Variants in CNTN5 observed in about 807,000 individuals in gnomAD.
The protein encoded by CNTN5 is contactin-5.
A neutral mutation model predicts 129.1 loss-of-function variants in CNTN5; 77 were observed. The ratio of observed to expected loss-of-function variants is 0.60; its 90% confidence interval spans 0.50 to 0.72. The LOEUF (loss-of-function observed/expected upper bound fraction) is 0.72. CNTN5 is among the 30% of genes least tolerant of loss of function. The pLI is 0.00. For synonymous variants in CNTN5, 509 were observed against 465.6 expected (o/e 1.09, Z -1.20); for missense variants, 1,478 against 1,328.8 (o/e 1.11, Z -1.75).
In CNTN5 at chr11:100,299,191, A is replaced by C. The variant is rs200512456; in HGVS notation, c.2415A>C (p.Glu805Asp). Reference sequence around the variant, plus strand: ...TATCTGAAGAGTTTCAGAATGGGGAAGGCTTCGGCTATATTGTGGCTTTCA... The same window carrying C: ...TATCTGAAGAGTTTCAGAATGGGGACGGCTTCGGCTATATTGTGGCTTTCA... ...EPVSEEFQNG[E>D]GFGYIVAFRP... is the part of the protein sequence containing the mutation. Residue 805 changes from glutamate to aspartate, a missense_variant, in exon 20 of 25, where the codon GAA (glutamate) becomes GAC (aspartate). By Grantham distance (45) the Glu-to-Asp change is conservative. Coordinates refer to ENST00000524871, the MANE Select transcript of CNTN5 (RefSeq NM_014361.4). The C allele has an allele frequency of 8.4e-4, 1,349 of 1,607,464 alleles. 16 individuals are homozygous for C. In the South Asian group the frequency reaches 0.012, roughly 14 times the overall value.
rs146383177 is a variant in CNTN5 at position 99,254,371 on chromosome 11, T to C, written c.-209-70975T>C. Among the ~76,000 whole-genome samples the C allele has an allele frequency of 8.5e-5, 13 of 152,132 alleles. No individual in the cohort carries two copies. The East Asian group carries it at 2.5e-3, about 29-fold the overall frequency. On this transcript the variant is annotated intron_variant, in intron 1 of 24. Coordinates refer to ENST00000524871, the MANE Select transcript of CNTN5 (RefSeq NM_014361.4). Reference sequence around the variant, plus strand: ...TTCTGTGAACTTAAATATTAAGTACTGCCGAAATACATCATGGAAACTCAG... The same window carrying C: ...TTCTGTGAACTTAAATATTAAGTACCGCCGAAATACATCATGGAAACTCAG...
At chr11:99,422,162 G>A (rs1942916083) in intron 2 of CNTN5, among the ~76,000 whole-genome samples, 2 of 152,092 alleles carry the variant, frequency 1.3e-5, no homozygotes, top group Non-Finnish European at 2.9e-5. Flanking sequence ...CAAGAAAGAA[G>A]AGGTTTAATT....
intron 6 of CNTN5, among the ~76,000 whole-genome samples, chr11:99,885,519 CTG>C (rs1257735260): frequency 6.6e-6 from 1 of 152,036 alleles, no homozygotes. Flanking sequence ...ATAAGCAAAA[CTG>C]AGAGTTTACA....
intron 1 of CNTN5, among the ~76,000 whole-genome samples, chr11:99,145,942 G>A (rs180934066): frequency 2.4e-4 from 36 of 151,922 alleles, no homozygotes; most frequent in African/African-American, 8.4e-4. Flanking sequence ...TAAGTATGTT[G>A]ATTTTTTTTT....
chr11:100,102,603 T>C (rs1945267659), intron 13 of CNTN5, among the ~76,000 whole-genome samples: 2 of 149,616 alleles, frequency 1.3e-5, no homozygotes, highest in Admixed American at 1.3e-4. Context: ...ATGTAAAAAG[T>C]GGTCAAAAAC....
intron 1 of CNTN5, among the ~76,000 whole-genome samples, chr11:99,067,996 T>C (rs1277372946): frequency 6.6e-6 from 1 of 151,996 alleles, no homozygotes; most frequent in Non-Finnish European, 1.5e-5. Context: ...TTTATAAGGG[T>C]TTGGTAGCTT....
At chr11:99,515,843 T>C (rs1388124362) in intron 2 of CNTN5, among the ~76,000 whole-genome samples, 1 of 151,968 alleles carries the variant, frequency 6.6e-6, no homozygotes, top group Non-Finnish European at 1.5e-5. Context: ...TATCAATTGC[T>C]ATTATCTCAT....
At chr11:99,723,858 A>G (rs1943252314) in intron 3 of CNTN5, among the ~76,000 whole-genome samples, 1 of 152,102 alleles carries the variant, frequency 6.6e-6, no homozygotes, top group Non-Finnish European at 1.5e-5. Context: ...CAAATGATGA[A>G]ACTGAGGCTC....
intron 1 of CNTN5, among the ~76,000 whole-genome samples, chr11:99,275,946 T>C (rs902339205): frequency 6.6e-6 from 1 of 151,488 alleles, no homozygotes; most frequent in Non-Finnish European, 1.5e-5. Context: ...ATTGAAGCCA[T>C]ATTTGAACAA....
chr11:99,315,895 G>A (rs1865318377), intron 1 of CNTN5, among the ~76,000 whole-genome samples: 2 of 133,768 alleles, frequency 1.5e-5, no homozygotes, highest in African/African-American at 2.6e-5. Context: ...AGAAAGAAGA[G>A]ACAATAGAAT....
intron 2 of CNTN5, among the ~76,000 whole-genome samples, chr11:99,462,459 T>C (rs914139623): frequency 2.0e-5 from 3 of 151,648 alleles, no homozygotes; most frequent in Admixed American, 6.6e-5. Context: ...ATGAGCATTA[T>C]ATTGATGTGC....
intron 9 of CNTN5, among the ~76,000 whole-genome samples, chr11:100,030,293 T>C (rs1378226298): frequency 6.6e-6 from 1 of 152,146 alleles, no homozygotes; most frequent in East Asian, 1.9e-4. Flanking sequence ...GCATGGAGGA[T>C]TGTCTGAGCC....
intron 2 of CNTN5, among the ~76,000 whole-genome samples, chr11:99,325,704 A>T (rs1865756591): frequency 6.6e-6 from 1 of 152,224 alleles, no homozygotes; most frequent in Non-Finnish European, 1.5e-5. Flanking sequence ...AAATATTATT[A>T]AAAGTGAAAC....
At chr11:100,263,334 TG>T (rs1179203964) in intron 17 of CNTN5, among the ~76,000 whole-genome samples, 1 of 152,160 alleles carries the variant, frequency 6.6e-6, no homozygotes, top group East Asian at 1.9e-4. Flanking sequence ...CAGAATATTA[TG>T]AGGGTAAAGT....
chr11:100,002,163 A>G (rs1211385661), intron 9 of CNTN5, 27 bp downstream of exon 9: 1 of 1,372,612 alleles, frequency 7.3e-7, no homozygotes, highest in South Asian at 1.5e-5. Context: ...CCATAATTAA[A>G]CACAATTTTT....
intron 1 of CNTN5, among the ~76,000 whole-genome samples, chr11:99,145,359 C>T (rs902525814): frequency 7.9e-6 from 1 of 126,352 alleles, no homozygotes; most frequent in Non-Finnish European, 1.6e-5. Context: ...TGTGAGCTAC[C>T]ACGCCCAACC....
At chr11:99,401,743 C>T (rs11219768) in intron 2 of CNTN5, among the ~76,000 whole-genome samples, 13,507 of 152,050 alleles carry the variant, frequency 0.089, 646 homozygotes, top group South Asian at 0.16. Context: ...GTGGGGTGTC[C>T]TCTTCAATTC....
chr11:99,887,342 A>T (rs1770469382), intron 6 of CNTN5, among the ~76,000 whole-genome samples: 1 of 152,206 alleles, frequency 6.6e-6, no homozygotes, highest in Admixed American at 6.6e-5. Flanking sequence ...TGAGATTTAT[A>T]AGTCCTTTAA....
intron 2 of CNTN5, among the ~76,000 whole-genome samples, chr11:99,344,097 C>T (rs1866643285): frequency 6.6e-6 from 1 of 152,222 alleles, no homozygotes; most frequent in Non-Finnish European, 1.5e-5. Context: ...CCCAGCCCCA[C>T]ATCTCCTCAA....
Sources: gnomAD v4.1 joint callset for allele counts (sites outside exome capture counted in the v4.1 genomes callset) on GRCh38, gnomAD v4.1.1 for gene constraint, MANE v1.5 for transcripts, NCBI Gene and HGNC (gene_info 2026-07-23, HGNC 2026-07-21) for gene names.